Variants in MTMR2 observed in about 807,000 individuals in gnomAD.
MTMR2 encodes the protein myotubularin related protein 2.
MTMR2 carries 55 observed loss-of-function variants against 86.9 expected under a neutral mutation model. The ratio of observed to expected loss-of-function variants is 0.63; its 90% CI spans 0.51 to 0.79. The LOEUF (loss-of-function observed/expected upper bound fraction) is 0.79. Among genes scored for constraint, MTMR2 ranks in the 30% least tolerant of loss-of-function variants. The pLI is 0.00. For synonymous variants in MTMR2, 241 were observed against 266.8 expected, an observed-to-expected ratio of 0.90 and a Z score of 0.94; for missense variants, 659 against 772.3, an observed-to-expected ratio of 0.85 and a Z score of 1.74.
chr11:95,892,598 A>G (rs1476170960), intron 1 of MTMR2, among the ~76,000 whole-genome samples: 1 of 152,130 alleles, frequency 6.6e-6, no homozygotes, highest in Non-Finnish European at 1.5e-5. Context: ...TCCTAGGCCT[A>G]TATACTTCAT....
intron 1 of MTMR2, 103 bp from the exon 2 acceptor site, chr11:95,888,364 A>C (rs1281500660): frequency 1.3e-6 from 1 of 783,084 alleles, no homozygotes; most frequent in African/African-American, 1.7e-5. Context: ...AAATTTCCAC[A>C]GCCAACTAAG....
At chr11:95,856,575 G>A (rs1036260682) in intron 7 of MTMR2, among the ~76,000 whole-genome samples, 1 of 149,772 alleles carries the variant, frequency 6.7e-6, no homozygotes, top group Non-Finnish European at 1.5e-5. Flanking sequence ...CATCTAGTAA[G>A]TCAAAGACCA....
intron 1 of MTMR2, among the ~76,000 whole-genome samples, chr11:95,891,107 C>A (rs1664185601): frequency 6.6e-6 from 1 of 152,044 alleles, no homozygotes; most frequent in Non-Finnish European, 1.5e-5. Context: ...AGTGTATTAT[C>A]TAGAAAAATA....
chr11:95,850,513 T>C, intron 8 of MTMR2, 87 bp downstream of exon 8: 1 of 1,320,910 alleles, frequency 7.6e-7, no homozygotes, highest in Admixed American at 1.7e-5. Flanking sequence ...GCTATTTATA[T>C]CCTGAATCCA....
chr11:95,864,118 T>A (rs765279562), intron 3 of MTMR2, among the ~76,000 whole-genome samples: 5 of 152,128 alleles, frequency 3.3e-5, no homozygotes, highest in Non-Finnish European at 7.4e-5. Flanking sequence ...AAGGTTCCTA[T>A]GGGATATTCA....
At chr11:95,841,581 G>A in intron 12 of MTMR2, 36 bp downstream of exon 12, 13 of 1,455,652 alleles carry the variant, frequency 8.9e-6, no homozygotes, top group Non-Finnish European at 1.2e-5. Context: ...AAAACTGAAA[G>A]GAGATGTGTA....
rs1863219985 is a variant in MTMR2 at position 95,835,383 on chromosome 11, TTCC to T, written c.1836_1838del (p.Glu613del). 6.2e-7 allele frequency: 1 copy of T among 1,613,042 alleles called. No individual in the cohort carries two copies. ...ATCGGTTAGAAATCTCTCTCTGTAG[TTCC>T]TCTACTTTTTTCTGAAGCTCTGCTC... On this transcript the variant is annotated inframe_deletion, in exon 15 of 15. Transcript: ENST00000346299.
At chr11:95,856,201 A>C (rs1278172580) in intron 7 of MTMR2, among the ~76,000 whole-genome samples, 1 of 150,684 alleles carries the variant, frequency 6.6e-6, no homozygotes, top group Non-Finnish European at 1.5e-5. Context: ...GGAAACCAAT[A>C]ATATCATTTC....
chr11:95,916,544 T>A (rs1178335876), intron 1 of MTMR2, among the ~76,000 whole-genome samples: 2 of 152,102 alleles, frequency 1.3e-5, no homozygotes, highest in Non-Finnish European at 2.9e-5. Context: ...CCATATTAGA[T>A]CTGTATTGAC....
chr11:95,869,887 G>A (rs2155436), intron 2 of MTMR2, among the ~76,000 whole-genome samples: 21,596 of 152,068 alleles, frequency 0.14, 2,102 homozygotes, highest in African/African-American at 0.27. Flanking sequence ...TGTTGCTATG[G>A]GGATGAGAAT....
At chr11:95,862,164 G>C in intron 4 of MTMR2, 62 bp from the exon 5 acceptor site, 1 of 1,533,978 alleles carries the variant, frequency 6.5e-7, no homozygotes, top group Non-Finnish European at 9.0e-7. Context: ...TTATAGAGCT[G>C]ATCAAAATCT....
At chr11:95,850,826 G>T in intron 7 of MTMR2, 77 bp from the exon 8 acceptor site, 2 of 1,386,714 alleles carry the variant, frequency 1.4e-6, no homozygotes, top group Non-Finnish European at 2.0e-6. Context: ...AAGCCATCCT[G>T]TTCAATCTCT....
At chr11:95,885,865 T>C (rs1427138448) in intron 2 of MTMR2, among the ~76,000 whole-genome samples, 1 of 152,126 alleles carries the variant, frequency 6.6e-6, no homozygotes, top group Non-Finnish European at 1.5e-5. Flanking sequence ...TCAGCAGTGA[T>C]AAGTCATGTT....
rs531667098 is a variant in MTMR2 at position 95,910,980 on chromosome 11, A to T, written c.80+12895T>A. 2.0e-5 allele frequency among the ~76,000 whole-genome samples: 3 copies of T among 152,030 alleles called. No homozygotes were observed. The South Asian group carries it at 6.3e-4, about 32-fold the overall frequency. On this transcript the variant is annotated intron_variant, in intron 1 of 14. Coordinates refer to ENST00000346299, the MANE Select transcript of MTMR2 (RefSeq NM_016156.6). ...GCAGGATCCTCAAAACAGAAAAACAACCCCCCCAAAACAAATTAATTTATA... is the reference window on the plus strand; with the variant it reads ...GCAGGATCCTCAAAACAGAAAAACATCCCCCCCAAAACAAATTAATTTATA...
At chr11:95,920,733 T>C (rs1197473427) in intron 1 of MTMR2, among the ~76,000 whole-genome samples, 2 of 152,172 alleles carry the variant, frequency 1.3e-5, no homozygotes, top group Non-Finnish European at 2.9e-5. Context: ...ATGGAGTATG[T>C]CATTTTCATT....
At chr11:95,892,787 C>T (rs1366934378) in intron 1 of MTMR2, among the ~76,000 whole-genome samples, 1 of 152,142 alleles carries the variant, frequency 6.6e-6, no homozygotes, top group African/African-American at 2.4e-5. Context: ...TAATCTTTAT[C>T]TGAATGTTTT....
intron 5 of MTMR2, among the ~76,000 whole-genome samples, chr11:95,861,488 A>G (rs1009856454): frequency 1.3e-5 from 2 of 151,412 alleles, no homozygotes; most frequent in Non-Finnish European, 2.9e-5. Context: ...CAGTGGCACT[A>G]TCTTGGCTCA....
chr11:95,835,321 T>C lies in MTMR2; in HGVS notation c.1901A>G (p.Gln634Arg), dbSNP rs751004861. 6.8e-6 allele frequency: 11 copies of C among 1,613,078 alleles called. No individual in the cohort carries two copies. The South Asian group carries it at 1.2e-4, about 18-fold the overall frequency. ...AACAGTTTGGACAGGAGTGACACACTGTGCAGGAGAGCTGGCTCTCTCTGA... is the reference window on the plus strand; with the variant it reads ...AACAGTTTGGACAGGAGTGACACACCGTGCAGGAGAGCTGGCTCTCTCTGA... ...SSSERASSPAQCVTPVQTVV is the reference protein window; with the variant it reads ...SSSERASSPARCVTPVQTVV Residue 634 changes from glutamine (Q) to arginine (R), a missense_variant, in exon 15 of 15, where the codon CAG (glutamine) becomes CGG (arginine). Physicochemically the swap from Gln to Arg is conservative, Grantham distance 43. Coordinates refer to ENST00000346299, the MANE Select transcript of MTMR2 (RefSeq NM_016156.6).
chr11:95,898,516 A>G (rs1258874389), intron 1 of MTMR2, among the ~76,000 whole-genome samples: 1 of 142,740 alleles, frequency 7.0e-6, no homozygotes. Flanking sequence ...GTCTCTACAA[A>G]CACACACACA....
Sources: allele counts gnomAD v4.1 joint callset (sites outside exome capture counted in the v4.1 genomes callset), GRCh38; gene constraint gnomAD v4.1.1; transcripts MANE v1.5; gene names NCBI Gene and HGNC (gene_info 2026-07-23, HGNC 2026-07-21).